TAOK3: variants seen among roughly 807,000 people sequenced by gnomAD.
The protein encoded by TAOK3 is serine/threonine-protein kinase TAO3.
A neutral mutation model predicts 120.4 loss-of-function variants in TAOK3; 40 were observed. The observed-to-expected ratio is 0.33, with a 90% CI of 0.26 to 0.43. TAOK3 has a LOEUF of 0.43. Ranked by LOEUF, TAOK3 falls within the 20% of genes least tolerant of loss-of-function variation. TAOK3 has a pLI of 1.00. For missense variants in TAOK3, 821 were observed against 1,112.1 expected, an observed-to-expected ratio of 0.74 and a Z score of 3.72; for synonymous variants, 355 against 387.5, an observed-to-expected ratio of 0.92 and a Z score of 0.99.
chr12:118,283,964 CT>C (rs1296677480), intron 1 of TAOK3, among the ~76,000 whole-genome samples: 1 of 152,082 alleles, frequency 6.6e-6, no homozygotes, highest in Non-Finnish European at 1.5e-5. Context: ...TTTTTTTCTA[CT>C]GATGAAAACG....
chr12:118,235,972 T>A (rs2040004258), intron 7 of TAOK3: 2 of 248,522 alleles, frequency 8.0e-6, no homozygotes, highest in African/African-American at 2.2e-5. Context: ...CCTATTCAGC[T>A]GCTACACTTA....
At chr12:118,313,033 G>T (rs532185431) in intron 1 of TAOK3, among the ~76,000 whole-genome samples, 1 of 151,912 alleles carries the variant, frequency 6.6e-6, no homozygotes, top group Non-Finnish European at 1.5e-5. Flanking sequence ...CACTAAAGAC[G>T]GAAAAATGCA....
intron 1 of TAOK3, among the ~76,000 whole-genome samples, chr12:118,347,822 A>C (rs1052904379): frequency 2.6e-5 from 4 of 152,190 alleles, no homozygotes; most frequent in Non-Finnish European, 5.9e-5. Flanking sequence ...TTTTCCATTG[A>C]GGCTGTCCTA....
intron 19 of TAOK3, among the ~76,000 whole-genome samples, chr12:118,154,996 T>C (rs1018413581): frequency 3.4e-5 from 5 of 145,454 alleles, no homozygotes; most frequent in Admixed American, 6.8e-5. Flanking sequence ...TTTGTAAATA[T>C]ATATATATAT....
rs376713591 is a variant in TAOK3, at chr12:118,169,250, G to A, written c.1899+3207C>T. Among the ~76,000 whole-genome samples the A allele has an allele frequency of 3.3e-4, 50 of 150,726 alleles. No homozygotes were observed. In the East Asian group the frequency reaches 8.4e-3, roughly 25 times the overall value. On this transcript the variant is annotated intron_variant, in intron 17 of 20. Transcript: ENST00000392533. ...GCTGGTCTCGAACTCCTGACCTCAG[G>A]TGACCCACCTGCCTTGGCCTCCCAA...
At chr12:118,172,057 T>C (rs1269850146) in intron 17 of TAOK3, among the ~76,000 whole-genome samples, 1 of 152,226 alleles carries the variant, frequency 6.6e-6, no homozygotes, top group Non-Finnish European at 1.5e-5. Context: ...TACTGGATGA[T>C]GGAATAAATG....
chr12:118,177,151 T>A (rs1194565917), intron 16 of TAOK3, 50 bp downstream of exon 16: 2 of 1,586,744 alleles, frequency 1.3e-6, no homozygotes, highest in South Asian at 2.3e-5. Flanking sequence ...AATGTTAAGT[T>A]CCAACCATTC....
chr12:118,229,115 G>T (rs1363631783), intron 9 of TAOK3, among the ~76,000 whole-genome samples: 23 of 144,002 alleles, frequency 1.6e-4, no homozygotes, highest in South Asian at 4.5e-4. Flanking sequence ...TTTTTTTTTG[G>T]GGGGGACAGA....
chr12:118,245,016 C>A, intron 3 of TAOK3, 51 bp from the exon 4 acceptor site: 1 of 1,236,772 alleles, frequency 8.1e-7, no homozygotes, highest in Non-Finnish European at 1.2e-6. Context: ...ATGTTTCAGC[C>A]AATTTAACTT....
At chr12:118,182,117 G>A (rs748387694) in intron 14 of TAOK3, among the ~76,000 whole-genome samples, 10 of 151,994 alleles carry the variant, frequency 6.6e-5, no homozygotes, top group African/African-American at 7.3e-5. Context: ...CCCGAGAGGC[G>A]GAGGCTGCAG....
intron 19 of TAOK3, among the ~76,000 whole-genome samples, chr12:118,157,738 T>A (rs996812934): frequency 6.6e-6 from 1 of 152,354 alleles, no homozygotes; most frequent in East Asian, 1.9e-4. Context: ...TATCCACCAC[T>A]GTATCTCCAG....
At chr12:118,227,908 T>C (rs1028104403) in intron 9 of TAOK3, among the ~76,000 whole-genome samples, 9 of 152,180 alleles carry the variant, frequency 5.9e-5, no homozygotes, top group Non-Finnish European at 1.0e-4. Flanking sequence ...GGAATATATA[T>C]TTACTTCTAA....
At chr12:118,357,672 A>G (rs1252748081) in intron 1 of TAOK3, among the ~76,000 whole-genome samples, 1 of 152,176 alleles carries the variant, frequency 6.6e-6, no homozygotes, top group Non-Finnish European at 1.5e-5. Flanking sequence ...ATCTGTCATC[A>G]CGAAGCACCA....
chr12:118,191,213 G>T (rs1407154740), intron 13 of TAOK3, among the ~76,000 whole-genome samples: 1 of 152,102 alleles, frequency 6.6e-6, no homozygotes, highest in African/African-American at 2.4e-5. Context: ...CAAGACCCAA[G>T]ATTAAATTGG....
intron 5 of TAOK3, among the ~76,000 whole-genome samples, chr12:118,241,499 T>C (rs1041496986): frequency 5.3e-5 from 8 of 152,236 alleles, no homozygotes; most frequent in Non-Finnish European, 2.9e-5. Context: ...TCTAGCTGCA[T>C]TAAATGTTTT....
At chr12:118,250,418 T>C (rs980737025) in intron 3 of TAOK3, among the ~76,000 whole-genome samples, 56 of 152,216 alleles carry the variant, frequency 3.7e-4, no homozygotes, top group Admixed American at 2.9e-3. Flanking sequence ...GTTTATTCCC[T>C]GGCAGCATTC....
At chr12:118,230,596 G>A in intron 9 of TAOK3, among the ~76,000 whole-genome samples, 1 of 151,142 alleles carries the variant, frequency 6.6e-6, no homozygotes, top group Non-Finnish European at 1.5e-5. Context: ...AGCCTCCCGA[G>A]TAGCTGGGAC....
chr12:118,345,955 T>C (rs947039037), intron 1 of TAOK3, among the ~76,000 whole-genome samples: 1 of 152,182 alleles, frequency 6.6e-6, no homozygotes. Context: ...AATGATATAC[T>C]GTTAAAGTAA....
In TAOK3 at chr12:118,161,739, A is replaced by G; in HGVS notation, c.2139+49T>C. 2 of 1,598,854 alleles carry G rather than the reference A, an allele frequency of 1.3e-6. No homozygotes were observed. The highest frequency in any genetic ancestry group is 1.7e-6 in the Non-Finnish European group (2 of 1,169,622). On this transcript the variant is annotated intron_variant, in intron 18 of 20. Transcript: ENST00000392533. This position sits in a 1 kb window ranked among gnomAD's most constrained non-coding sequence, Gnocchi z 4.5. Reference sequence around the variant, plus strand: ...CTCAGGTGACTCTGACACTTCAGGTAGAGAAACCACTGATCTGGTCCAACA... The same window carrying G: ...CTCAGGTGACTCTGACACTTCAGGTGGAGAAACCACTGATCTGGTCCAACA...
Sources: allele counts gnomAD v4.1 joint callset (sites outside exome capture counted in the v4.1 genomes callset), GRCh38; gene constraint gnomAD v4.1.1; non-coding constraint Gnocchi (gnomAD v3.1); transcripts MANE v1.5; gene names NCBI Gene and HGNC (gene_info 2026-07-23, HGNC 2026-07-21).